Variants in NCKAP5 observed in about 807,000 individuals in gnomAD.
NCKAP5 encodes the protein NCK associated protein 5.
NCKAP5 carries 92 observed loss-of-function variants against 167.0 expected under a neutral mutation model. The observed-to-expected ratio is 0.55, with a 90% CI of 0.47 to 0.66. NCKAP5 has a LOEUF of 0.66. Among genes scored for constraint, NCKAP5 ranks in the 30% least tolerant of loss-of-function variants. The pLI is 0.00. For missense variants in NCKAP5, 2,378 were observed against 2,315.0 expected, an observed-to-expected ratio of 1.03 and a Z score of -0.56; for synonymous variants, 891 against 877.4, an observed-to-expected ratio of 1.02 and a Z score of -0.27.
At chr2:132,756,735 T>C (rs1381305532) in intron 16 of NCKAP5, among the ~76,000 whole-genome samples, 1 of 152,198 alleles carries the variant, frequency 6.6e-6, no homozygotes, top group Non-Finnish European at 1.5e-5. Context: ...AAATGACATC[T>C]TTGGAAATGC....
intron 11 of NCKAP5, among the ~76,000 whole-genome samples, chr2:132,839,445 GTTAGGAGTT>G (rs1434450910): frequency 6.6e-6 from 1 of 152,124 alleles, no homozygotes; most frequent in African/African-American, 2.4e-5. Flanking sequence ...CAACGTGAGG[GTTAGGAGTT>G]TTTAGCAGTC....
In NCKAP5 at chr2:132,781,946, A is replaced by C. The variant is rs746473981; in HGVS notation, c.4865T>G (p.Leu1622Trp). The change falls in exon 14 of 20, where the codon TTG becomes TGG. Residue 1622 changes from leucine (L) to tryptophan (W), a missense_variant. Leu to Trp is a moderately conservative substitution (Grantham distance 61, BLOSUM62 -2). Around this residue, in one of 3 missense-constraint regions of NCKAP5, gnomAD observed 1,325 missense variants for 1,274.5 expected, o/e 1.04. Transcript: ENST00000409261. ...STKDTFMTELLNRVDKKAAPQ... is the reference protein window; with the variant it reads ...STKDTFMTELWNRVDKKAAPQ... Reference sequence around the variant, plus strand: ...TGCTTTTCCAGTGAGTTACCTGTTCAAGAGTTCCGTCATGAAGGTGTCTTT... The same window carrying C: ...TGCTTTTCCAGTGAGTTACCTGTTCCAGAGTTCCGTCATGAAGGTGTCTTT... 1.9e-6 allele frequency: 3 copies of C among 1,610,860 alleles called. No individual in the cohort carries two copies. Among genetic ancestry groups the C allele is most frequent in the African/African-American group, 1.3e-5 (1 of 74,860 alleles).
At chr2:133,139,167 C>A (rs2082906854) in intron 5 of NCKAP5, among the ~76,000 whole-genome samples, 1 of 152,186 alleles carries the variant, frequency 6.6e-6, no homozygotes, top group Non-Finnish European at 1.5e-5. Flanking sequence ...CTCTTCTAAT[C>A]ATTGGAAGGT....
rs186141860 is a variant in NCKAP5 at position 132,785,545 on chromosome 2, G to T, written c.1266C>A (p.Thr422=). The T allele has an allele frequency of 6.2e-7, 1 of 1,604,812 alleles. No homozygotes were observed. Among genetic ancestry groups the T allele is most frequent in the East Asian group, 2.2e-5 (1 of 44,784 alleles). The change falls in exon 14 of 20, where the codon ACC becomes ACA. Residue 422 remains threonine (T), a synonymous_variant. Coordinates refer to ENST00000409261, the MANE Select transcript of NCKAP5 (RefSeq NM_207363.3). ...TCATGCAATCTTTATAACCCCATTT[G>T]GTTATCACTGATGGGGGTTCAAGTA... ...KVLLEPPSVI[T]KWGYKDCMNS... is the part of the protein sequence containing the mutation.
chr2:133,480,157 C>A (rs1386690037), intron 3 of NCKAP5, among the ~76,000 whole-genome samples: 1 of 152,046 alleles, frequency 6.6e-6, no homozygotes, highest in Non-Finnish European at 1.5e-5. Flanking sequence ...GTGTTGAACT[C>A]CTGACCTCTA....
chr2:133,363,328 T>C (rs1477297333), intron 3 of NCKAP5, among the ~76,000 whole-genome samples: 2 of 152,176 alleles, frequency 1.3e-5, no homozygotes, highest in African/African-American at 4.8e-5. Context: ...CACAATTTTT[T>C]TTTTTACCTA....
At chr2:133,207,416 T>G (rs954452928) in intron 5 of NCKAP5, among the ~76,000 whole-genome samples, 2 of 152,164 alleles carry the variant, frequency 1.3e-5, no homozygotes, top group Admixed American at 1.3e-4. Flanking sequence ...ATTTTTCCAA[T>G]GTTAGGCAGT....
intron 15 of NCKAP5, among the ~76,000 whole-genome samples, chr2:132,779,787 A>G (rs1682865674): frequency 6.6e-6 from 1 of 152,214 alleles, no homozygotes; most frequent in Non-Finnish European, 1.5e-5. Context: ...ATTTATAGCT[A>G]ATAATTAATA....
chr2:132,837,427 C>T (rs1406618147), intron 11 of NCKAP5, among the ~76,000 whole-genome samples: 2 of 151,948 alleles, frequency 1.3e-5, no homozygotes, highest in African/African-American at 4.8e-5. Flanking sequence ...TATCTCTAAA[C>T]TTTTTTAACT....
chr2:133,102,041 T>C (rs1351184292), intron 6 of NCKAP5, among the ~76,000 whole-genome samples: 2 of 152,200 alleles, frequency 1.3e-5, no homozygotes, highest in Non-Finnish European at 2.9e-5. Context: ...TTTTCAAAAC[T>C]GTGTAAAAAC....
chr2:133,447,168 T>C (rs1691250893), intron 3 of NCKAP5, among the ~76,000 whole-genome samples: 4 of 152,124 alleles, frequency 2.6e-5, no homozygotes, highest in Admixed American at 2.6e-4. Flanking sequence ...ATCAATTCAC[T>C]GCCCTTCCCG....
intron 6 of NCKAP5, among the ~76,000 whole-genome samples, chr2:133,096,489 AAAAT>A (rs3051199): frequency 0.065 from 9,538 of 146,802 alleles, 469 homozygotes; most frequent in East Asian, 0.24. Context: ...CTCTGTCTCA[AAAAT>A]AAATAAATAA....
At chr2:132,681,578 A>T (rs192981180) in intron 19 of NCKAP5, among the ~76,000 whole-genome samples, 6 of 152,058 alleles carry the variant, frequency 3.9e-5, no homozygotes, top group South Asian at 4.2e-4. Context: ...GAAAAAAATA[A>T]TTTTTTTGTG....
At chr2:133,109,471 T>A (rs2081836098) in intron 6 of NCKAP5, among the ~76,000 whole-genome samples, 1 of 152,200 alleles carries the variant, frequency 6.6e-6, no homozygotes, top group African/African-American at 2.4e-5. Flanking sequence ...TAAAGAGATC[T>A]ATTAAGACTG....
chr2:133,280,456 G>C (rs2089894834), intron 4 of NCKAP5, among the ~76,000 whole-genome samples: 1 of 151,992 alleles, frequency 6.6e-6, no homozygotes, highest in African/African-American at 2.4e-5. Context: ...GCCCAGGCTG[G>C]AGTGCAGTGG....
chr2:133,115,963 G>A (rs1162679459), intron 6 of NCKAP5, among the ~76,000 whole-genome samples: 3 of 151,040 alleles, frequency 2.0e-5, no homozygotes, highest in African/African-American at 4.9e-5. Flanking sequence ...AATATTTTTT[G>A]TAAAGTAGTG....
At chr2:133,252,038 T>A (rs1202837567) in intron 4 of NCKAP5, among the ~76,000 whole-genome samples, 1 of 152,204 alleles carries the variant, frequency 6.6e-6, no homozygotes, top group Non-Finnish European at 1.5e-5. Context: ...AAATAATATT[T>A]CACAGACCTT....
intron 16 of NCKAP5, among the ~76,000 whole-genome samples, chr2:132,753,993 C>T (rs960391421): frequency 6.6e-6 from 1 of 152,190 alleles, no homozygotes; most frequent in Non-Finnish European, 1.5e-5. Flanking sequence ...TCTTGAGACT[C>T]GCATTCTATA....
At chr2:132,787,406 C>T (rs192551514) in intron 13 of NCKAP5, among the ~76,000 whole-genome samples, 27 of 151,458 alleles carry the variant, frequency 1.8e-4, no homozygotes, top group Middle Eastern at 6.9e-3. Flanking sequence ...AGAGAAGGCT[C>T]TGGGTTTCAG....
Sources: allele counts gnomAD v4.1 joint callset (sites outside exome capture counted in the v4.1 genomes callset), GRCh38; gene constraint gnomAD v4.1.1; regional missense constraint gnomAD v4.1.1; transcripts MANE v1.5; gene names NCBI Gene and HGNC (gene_info 2026-07-23, HGNC 2026-07-21).